BNC2: variants seen among roughly 807,000 people sequenced by gnomAD.
The protein encoded by BNC2 is zinc finger protein basonuclin-2.
BNC2 carries 20 observed loss-of-function variants against 76.3 expected under a neutral mutation model. That is an observed-to-expected ratio of 0.26 (90% CI 0.18 to 0.38). The LOEUF is 0.38. Ranked by LOEUF, BNC2 falls within the 10% of genes least tolerant of loss-of-function variation. The pLI is 1.00. For missense variants in BNC2, 1,382 were observed against 1,399.8 expected, an observed-to-expected ratio of 0.99 and a Z score of 0.20; for synonymous variants, 582 against 514.8, an observed-to-expected ratio of 1.13 and a Z score of -1.77.
chr9:16,675,814 C>T (rs767748999), intron 3 of BNC2, among the ~76,000 whole-genome samples: 2 of 151,984 alleles, frequency 1.3e-5, no homozygotes, highest in Non-Finnish European at 2.9e-5. Context: ...CAAGGGAAGC[C>T]GAGGCAGATC....
At chr9:16,446,898 A>G (rs1821243041) in intron 5 of BNC2, among the ~76,000 whole-genome samples, 1 of 152,142 alleles carries the variant, frequency 6.6e-6, no homozygotes, top group Non-Finnish European at 1.5e-5. Flanking sequence ...TGTCTAGCTT[A>G]AAACCAGCCA....
intron 3 of BNC2, among the ~76,000 whole-genome samples, chr9:16,622,252 G>A (rs1271496424): frequency 1.3e-5 from 2 of 152,128 alleles, no homozygotes; most frequent in African/African-American, 2.4e-5. Flanking sequence ...AAGAAGCAGT[G>A]AAGAACACCC....
intron 1 of BNC2, among the ~76,000 whole-genome samples, chr9:16,767,290 G>A (rs779320371): frequency 6.6e-6 from 1 of 152,212 alleles, no homozygotes; most frequent in Non-Finnish European, 1.5e-5. Context: ...ATACTGGCAG[G>A]CTGGGGAGAA....
At chr9:16,628,681 G>C (rs772043294) in intron 3 of BNC2, among the ~76,000 whole-genome samples, 7 of 152,062 alleles carry the variant, frequency 4.6e-5, no homozygotes, top group African/African-American at 7.2e-5. Context: ...CTGCAAAAAA[G>C]TTCTATGATT....
chr9:16,861,184 AT>A (rs2136207586), intron 1 of BNC2, among the ~76,000 whole-genome samples: 3 of 5,912 alleles, frequency 5.1e-4, no homozygotes, highest in Admixed American at 7.2e-3. Context: ...TCTACAAAAT[AT>A]ATATATATAT....
intron 3 of BNC2, among the ~76,000 whole-genome samples, chr9:16,668,085 T>G (rs1304113761): frequency 1.3e-5 from 2 of 152,218 alleles, no homozygotes; most frequent in African/African-American, 4.8e-5. Flanking sequence ...AACCTGTCCT[T>G]CGGGAAGATC....
intron 5 of BNC2, among the ~76,000 whole-genome samples, chr9:16,525,510 C>T (rs190327337): frequency 3.2e-4 from 48 of 152,262 alleles, no homozygotes; most frequent in Admixed American, 5.2e-4. Flanking sequence ...GTAAACCTTA[C>T]TCATTAAGAG....
At chr9:16,508,504 G>A (rs541180276) in intron 5 of BNC2, among the ~76,000 whole-genome samples, 1 of 152,166 alleles carries the variant, frequency 6.6e-6, no homozygotes, top group African/African-American at 2.4e-5. Flanking sequence ...TATCCATTCT[G>A]TTGTATTTCT....
chr9:16,664,485 C>T (rs1019246381), intron 3 of BNC2, among the ~76,000 whole-genome samples: 8 of 152,118 alleles, frequency 5.3e-5, no homozygotes, highest in African/African-American at 1.9e-4. Context: ...CAAGGCCTCT[C>T]TCCTTTTAGC....
At chr9:16,852,325 T>G (rs1359235896) in intron 1 of BNC2, among the ~76,000 whole-genome samples, 1 of 152,194 alleles carries the variant, frequency 6.6e-6, no homozygotes, top group East Asian at 1.9e-4. Flanking sequence ...TTGAAGTGTT[T>G]ACATCTATCC....
At chr9:16,786,764 C>A (rs1826305718) in intron 1 of BNC2, among the ~76,000 whole-genome samples, 1 of 152,070 alleles carries the variant, frequency 6.6e-6, no homozygotes, top group South Asian at 2.1e-4. Flanking sequence ...ACAGGTGGGG[C>A]AGAAAGAGCA....
In BNC2 at chr9:16,490,523, A is replaced by C. The variant is rs758030583; in HGVS notation, c.670-52999T>G. Among the ~76,000 whole-genome samples the C allele has an allele frequency of 1.1e-4, 17 of 152,306 alleles. 1 individual carries two copies. The South Asian group carries it at 1.5e-3, about 13-fold the overall frequency. On this transcript the variant is annotated intron_variant, in intron 5 of 6. Transcript: ENST00000380672. ...CTTTCATCTAATACACACCTTTATT[A>C]GTAGAAATTTTAGAGTTTTCTCACT...
At chr9:16,702,401 A>C (rs1823540382) in intron 3 of BNC2, among the ~76,000 whole-genome samples, 1 of 152,208 alleles carries the variant, frequency 6.6e-6, no homozygotes, top group Non-Finnish European at 1.5e-5. Context: ...GGCCAACTTT[A>C]CTTGTAAACT....
At chr9:16,687,368 A>G (rs903029719) in intron 3 of BNC2, among the ~76,000 whole-genome samples, 3 of 152,170 alleles carry the variant, frequency 2.0e-5, no homozygotes, top group African/African-American at 7.2e-5. Flanking sequence ...CATAAGTAAC[A>G]AAAAAGGGAA....
chr9:16,770,421 G>A (rs1253357763), intron 1 of BNC2, among the ~76,000 whole-genome samples: 5 of 152,096 alleles, frequency 3.3e-5, no homozygotes, highest in East Asian at 1.9e-4. Flanking sequence ...TACTGACATC[G>A]ACATCTCTAA....
At chr9:16,477,626 C>G (rs139771849) in intron 5 of BNC2, among the ~76,000 whole-genome samples, 10 of 152,208 alleles carry the variant, frequency 6.6e-5, no homozygotes, top group African/African-American at 2.2e-4. Context: ...TAGACTATTT[C>G]CTTATAACCC....
At chr9:16,485,183 T>C (rs1023278261) in intron 5 of BNC2, among the ~76,000 whole-genome samples, 1 of 152,036 alleles carries the variant, frequency 6.6e-6, no homozygotes, top group African/African-American at 2.4e-5. Flanking sequence ...TTTCACTGAG[T>C]GAACGAAAGG....
At chr9:16,787,352 G>T (rs529075689) in intron 1 of BNC2, among the ~76,000 whole-genome samples, 1 of 152,128 alleles carries the variant, frequency 6.6e-6, no homozygotes, top group Non-Finnish European at 1.5e-5. Context: ...TTCCTAAGTC[G>T]GCCTGGTGCT....
chr9:16,501,140 A>C (rs959227565), intron 5 of BNC2, among the ~76,000 whole-genome samples: 5 of 152,258 alleles, frequency 3.3e-5, no homozygotes, highest in Non-Finnish European at 1.5e-5. Flanking sequence ...GTGGTAACAA[A>C]ATGAGCAAAT....
Sources: gnomAD v4.1 joint callset for allele counts (sites outside exome capture counted in the v4.1 genomes callset) on GRCh38, gnomAD v4.1.1 for gene constraint, MANE v1.5 for transcripts, NCBI Gene and HGNC (gene_info 2026-07-23, HGNC 2026-07-21) for gene names.